Variants in SLC68A1 observed in about 807,000 individuals in gnomAD.
The protein encoded by SLC68A1 is solute carrier family 68 member 1.
the SLC68A1 span, among the ~76,000 whole-genome samples, chr10:102,461,677 A>G: frequency 5.3e-5 from 8 of 152,192 alleles, no homozygotes; most frequent in African/African-American, 1.2e-4. Context: ...CCTCGCAGAA[A>G]GGCTCTCCGG....
the SLC68A1 span, chr10:102,472,995 G>C: frequency 6.9e-7 from 1 of 1,453,374 alleles, no homozygotes; most frequent in Non-Finnish European, 9.7e-7. Flanking sequence ...GAAGGAGAGA[G>C]ACCTGTATTT....
the SLC68A1 span, chr10:102,475,816 G>A: frequency 7.4e-6 from 12 of 1,614,024 alleles, no homozygotes; most frequent in African/African-American, 4.0e-5. Context: ...AGGCCCCGAC[G>A]CTCCGCCAGG....
At chr10:102,473,396 T>C in the SLC68A1 span, among the ~76,000 whole-genome samples, 1 of 152,094 alleles carries the variant, frequency 6.6e-6, no homozygotes. Flanking sequence ...AAAGTGGGGA[T>C]GATAATAGTA....
the SLC68A1 span, among the ~76,000 whole-genome samples, chr10:102,464,411 A>G: frequency 6.6e-6 from 1 of 151,756 alleles, no homozygotes; most frequent in Non-Finnish European, 1.5e-5. Context: ...AGATCCCACC[A>G]CTGCACTCTA....
the SLC68A1 span, among the ~76,000 whole-genome samples, chr10:102,466,868 G>A: frequency 1.2e-4 from 18 of 152,226 alleles, no homozygotes; most frequent in Non-Finnish European, 2.4e-4. Context: ...GATAGTGACA[G>A]AGGCGGACAT....
At chr10:102,473,524 C>G in the SLC68A1 span, 3 of 1,550,492 alleles carry the variant, frequency 1.9e-6, no homozygotes, top group Non-Finnish European at 2.6e-6. Flanking sequence ...CTCACTGGCA[C>G]TGCAGCAGTG....
chr10:102,466,975 G>A, the SLC68A1 span, among the ~76,000 whole-genome samples: 4 of 152,226 alleles, frequency 2.6e-5, no homozygotes, highest in Non-Finnish European at 5.9e-5. Context: ...TTTAGGGAAG[G>A]GCTGAGAGGT....
At chr10:102,470,051 G>C in the SLC68A1 span, 3 of 1,614,002 alleles carry the variant, frequency 1.9e-6, no homozygotes, top group Admixed American at 3.3e-5. Context: ...CTCAGTGACC[G>C]GCAGTTCCTC....
chr10:102,475,123 C>T, the SLC68A1 span, among the ~76,000 whole-genome samples: 1 of 151,962 alleles, frequency 6.6e-6, no homozygotes, highest in Non-Finnish European at 1.5e-5. Context: ...GTGAAACCCC[C>T]GCCTCTACTA....
chr10:102,473,878 T>C, the SLC68A1 span: 2 of 1,614,168 alleles, frequency 1.2e-6, no homozygotes, highest in Non-Finnish European at 1.7e-6. Context: ...ACTGACCTGG[T>C]AGACGAGGAC....
chr10:102,466,519 C>T, the SLC68A1 span, among the ~76,000 whole-genome samples: 1 of 151,376 alleles, frequency 6.6e-6, no homozygotes, highest in East Asian at 1.9e-4. Context: ...GCATTATTAC[C>T]TGATTTTATA....
chr10:102,475,561 T>G, the SLC68A1 span, among the ~76,000 whole-genome samples: 1 of 151,978 alleles, frequency 6.6e-6, no homozygotes, highest in African/African-American at 2.4e-5. Context: ...TGCCCGTCAC[T>G]GAGATGGGAA....
chr10:102,476,144 C>T, the SLC68A1 span: 1 of 1,241,898 alleles, frequency 8.1e-7, no homozygotes, highest in Non-Finnish European at 1.0e-6. Flanking sequence ...AATCTGGGCT[C>T]ACTGAAACCA....
At chr10:102,475,831 C>A in the SLC68A1 span, 1 of 1,614,064 alleles carries the variant, frequency 6.2e-7, no homozygotes, top group Non-Finnish European at 8.5e-7. Flanking sequence ...GCCAGGGCTG[C>A]TTCTACCTGC....
At chr10:102,470,148 C>A in the SLC68A1 span, 2 of 1,419,046 alleles carry the variant, frequency 1.4e-6, no homozygotes, top group South Asian at 1.2e-5. Context: ...GGACCCCTGC[C>A]TGTGTTTGGG....
chr10:102,469,265 G>T, the SLC68A1 span: 1 of 1,524,070 alleles, frequency 6.6e-7, no homozygotes. Context: ...TGCCCAGGCT[G>T]CTGGGCAGAT....
At chr10:102,473,771 C>T in the SLC68A1 span, 2,743 of 1,607,700 alleles carry the variant, frequency 1.7e-3, 43 homozygotes, top group African/African-American at 0.032. Context: ...CCCCGCAACA[C>T]CTCCATCCCA....
At chr10:102,470,006 T>C in the SLC68A1 span, 1 of 1,614,022 alleles carries the variant, frequency 6.2e-7, no homozygotes, top group Non-Finnish European at 8.5e-7. Context: ...GTGTTTCTCC[T>C]CTGGAACAGC....
the SLC68A1 span, among the ~76,000 whole-genome samples, chr10:102,474,721 C>T: frequency 1.3e-5 from 2 of 152,102 alleles, no homozygotes; most frequent in African/African-American, 4.8e-5. Context: ...GATCTTGGCT[C>T]ACTGCAGCCT....
Sources: gnomAD v4.1 joint callset for allele counts (sites outside exome capture counted in the v4.1 genomes callset) on GRCh38, gnomAD v4.1.1 for gene constraint, MANE v1.5 for transcripts, NCBI Gene and HGNC (gene_info 2026-07-23, HGNC 2026-07-21) for gene names.